The following PCDH7 variants were observed in gnomAD, a reference collection of about 807,000 sequenced individuals.
PCDH7 encodes protocadherin 7, also known as protocadherin-7.
A neutral mutation model predicts 58.9 loss-of-function variants in PCDH7; 17 were observed. That is an observed-to-expected ratio of 0.29 (90% CI 0.20 to 0.43). PCDH7 has a LOEUF of 0.43. Ranked by LOEUF, PCDH7 falls within the 20% of genes least tolerant of loss-of-function variation. The probability of loss-of-function intolerance (pLI) is 1.00; values close to 1 mark genes in which losing one functional copy is unlikely to be tolerated. For synonymous variants in PCDH7, 664 were observed against 616.4 expected (o/e 1.08, Z -1.14); for missense variants, 1,274 against 1,441.0 (o/e 0.88, Z 1.88).
intron 3 of PCDH7, among the ~76,000 whole-genome samples, chr4:31,069,933 C>T (rs1029189341): frequency 4.1e-5 from 5 of 121,574 alleles, no homozygotes; most frequent in African/African-American, 1.5e-4. Flanking sequence ...TGAAGTTTGA[C>T]CCTTTTAAAA....
At chr4:31,004,427 A>T (rs757740629) in intron 3 of PCDH7, among the ~76,000 whole-genome samples, 3 of 151,932 alleles carry the variant, frequency 2.0e-5, no homozygotes, top group Non-Finnish European at 4.4e-5. Context: ...GAATAACATA[A>T]GGCCGGGCGT....
intron 1 of PCDH7, among the ~76,000 whole-genome samples, chr4:30,824,101 TTCTTTCTTTC>T (rs1385919298): frequency 4.7e-5 from 6 of 128,658 alleles, no homozygotes; most frequent in African/African-American, 1.8e-4. Context: ...CTTTCTTTCT[TTCTTTCTTTC>T]TTTCTTTCTT....
intron 1 of PCDH7, among the ~76,000 whole-genome samples, chr4:30,889,358 A>G (rs560923369): frequency 6.9e-6 from 1 of 145,416 alleles, no homozygotes; most frequent in African/African-American, 2.6e-5. Flanking sequence ...AATAACTATT[A>G]TTATCCTTAT....
chr4:30,966,893 C>G (rs1749044789), intron 3 of PCDH7, among the ~76,000 whole-genome samples: 1 of 152,074 alleles, frequency 6.6e-6, no homozygotes, highest in African/African-American at 2.4e-5. Flanking sequence ...AAAATGGAAA[C>G]TGAGAGTCTC....
intron 3 of PCDH7, among the ~76,000 whole-genome samples, chr4:31,046,465 C>T (rs1477375464): frequency 6.6e-6 from 1 of 151,878 alleles, no homozygotes; most frequent in African/African-American, 2.4e-5. Context: ...TTTGAAAGTT[C>T]TCTATTGCAT....
chr4:30,790,523 A>G (rs1723978113), intron 1 of PCDH7, among the ~76,000 whole-genome samples: 1 of 152,214 alleles, frequency 6.6e-6, no homozygotes, highest in African/African-American at 2.4e-5. Flanking sequence ...CAGTAGCTTG[A>G]TGGATTCAAC....
chr4:30,803,852 A>G (rs770905957), intron 1 of PCDH7, among the ~76,000 whole-genome samples: 3 of 152,230 alleles, frequency 2.0e-5, no homozygotes, highest in East Asian at 1.9e-4. Context: ...CAGTGGAACA[A>G]TGTCCTGGAA....
At chr4:31,091,479 C>G (rs1457109903) in intron 3 of PCDH7, among the ~76,000 whole-genome samples, 1 of 151,508 alleles carries the variant, frequency 6.6e-6, no homozygotes, top group African/African-American at 2.4e-5. Flanking sequence ...AAAATGAAAA[C>G]AGATTAATGT....
intron 1 of PCDH7, among the ~76,000 whole-genome samples, chr4:30,915,722 C>T (rs1742370925): frequency 6.6e-6 from 1 of 152,080 alleles, no homozygotes; most frequent in Non-Finnish European, 1.5e-5. Context: ...CGGGGTTTCA[C>T]CATGTTGGCC....
At chr4:30,978,204 A>G (rs1278342432) in intron 3 of PCDH7, among the ~76,000 whole-genome samples, 1 of 152,204 alleles carries the variant, frequency 6.6e-6, no homozygotes, top group Non-Finnish European at 1.5e-5. Context: ...ATCGGTACTG[A>G]TTAATATCCA....
intron 3 of PCDH7, among the ~76,000 whole-genome samples, chr4:30,959,682 T>G (rs1178193413): frequency 6.6e-6 from 1 of 152,186 alleles, no homozygotes; most frequent in African/African-American, 2.4e-5. Context: ...CCTGTGACCA[T>G]GACATCTAAG....
At chr4:30,860,924 T>A (rs917168359) in intron 1 of PCDH7, among the ~76,000 whole-genome samples, 13 of 152,330 alleles carry the variant, frequency 8.5e-5, no homozygotes, top group Admixed American at 3.3e-4. Flanking sequence ...ATTTTTTAAC[T>A]GCTGTTTACA....
chr4:30,797,246 T>C (rs1400942655), intron 1 of PCDH7, among the ~76,000 whole-genome samples: 1 of 150,734 alleles, frequency 6.6e-6, no homozygotes, highest in Non-Finnish European at 1.5e-5. Context: ...ACTTCCTACT[T>C]TGTTTTGTTT....
intron 3 of PCDH7, among the ~76,000 whole-genome samples, chr4:31,030,261 C>T (rs1460786754): frequency 2.0e-5 from 3 of 152,120 alleles, no homozygotes; most frequent in African/African-American, 4.8e-5. Context: ...CTCAGCAATC[C>T]TTCCTTGTAT....
chr4:30,956,455 G>T (rs1056725481), intron 3 of PCDH7, among the ~76,000 whole-genome samples: 1 of 152,124 alleles, frequency 6.6e-6, no homozygotes, highest in Admixed American at 6.5e-5. Flanking sequence ...TGAAGGAAAA[G>T]TTACTAATTC....
At chr4:30,911,905 CATT>C (rs1304152297) in intron 1 of PCDH7, among the ~76,000 whole-genome samples, 1 of 151,910 alleles carries the variant, frequency 6.6e-6, no homozygotes, top group African/African-American at 2.4e-5. Flanking sequence ...AAATTAATAT[CATT>C]GTTTTGTTGC....
At chr4:30,933,676 A>G (rs1744964299) in intron 2 of PCDH7, among the ~76,000 whole-genome samples, 1 of 152,036 alleles carries the variant, frequency 6.6e-6, no homozygotes, top group South Asian at 2.1e-4. Context: ...TTCACCAACT[A>G]TCTATCAATT....
At chr4:31,067,254 GT>G (rs1758163424) in intron 3 of PCDH7, among the ~76,000 whole-genome samples, 1 of 151,716 alleles carries the variant, frequency 6.6e-6, no homozygotes, top group African/African-American at 2.4e-5. Flanking sequence ...TAACTCCATA[GT>G]GATTGGGACC....
intron 3 of PCDH7, among the ~76,000 whole-genome samples, chr4:31,095,119 T>C (rs1297920462): frequency 4.1e-5 from 4 of 97,460 alleles, no homozygotes; most frequent in Non-Finnish European, 8.7e-5. Context: ...GACAGGGTAT[T>C]TTTTTTTTTA....
Sources: allele counts gnomAD v4.1 joint callset (sites outside exome capture counted in the v4.1 genomes callset), GRCh38; gene constraint gnomAD v4.1.1; transcripts MANE v1.5; gene names NCBI Gene and HGNC (gene_info 2026-07-23, HGNC 2026-07-21).